The following CNTNAP2 variants were observed in gnomAD, a reference collection of about 807,000 sequenced individuals.
CNTNAP2 encodes the protein contactin associated protein 2.
CNTNAP2 carries 98 observed loss-of-function variants against 155.2 expected under a neutral mutation model. The observed-to-expected ratio is 0.63, with a 90% CI of 0.54 to 0.75. The LOEUF (loss-of-function observed/expected upper bound fraction) is 0.75. Among genes scored for constraint, CNTNAP2 ranks in the 30% least tolerant of loss-of-function variants. The pLI is 0.00. For missense variants in CNTNAP2, 1,727 were observed against 1,688.1 expected, an observed-to-expected ratio of 1.02 and a Z score of -0.40; for synonymous variants, 651 against 631.2, an observed-to-expected ratio of 1.03 and a Z score of -0.47.
In CNTNAP2 at chr7:147,121,067, T is replaced by G. The variant is rs1461913561; in HGVS notation, c.843T>G (p.Ile281Met). 6.2e-7 allele frequency: 1 copy of G among 1,613,968 alleles called. No individual in the cohort carries two copies. Among genetic ancestry groups the G allele is most frequent in the Non-Finnish European group, 8.5e-7 (1 of 1,180,018 alleles). ...ACCACCACTGGCACTCTGTGGTCAT[T>G]GAGCGCCAGGGGCGGAGCATTAACC... ...LDDHHWHSVVIERQGRSINLT... is the reference protein window; with the variant it reads ...LDDHHWHSVVMERQGRSINLT... Residue 281 changes from isoleucine (I) to methionine (M), a missense_variant, in exon 6 of 24, where the codon ATT (isoleucine) becomes ATG (methionine). By Grantham distance (10) the Ile-to-Met change is conservative. Transcript: ENST00000361727.
At chr7:147,829,352 G>A (rs183637147) in intron 13 of CNTNAP2, among the ~76,000 whole-genome samples, 175 of 152,248 alleles carry the variant, frequency 1.1e-3, no homozygotes, top group African/African-American at 3.8e-3. Context: ...CTGAGTTACC[G>A]GGAAATTAAT....
intron 11 of CNTNAP2, among the ~76,000 whole-genome samples, chr7:147,489,762 C>G (rs1213927864): frequency 6.6e-6 from 1 of 152,060 alleles, no homozygotes; most frequent in Admixed American, 6.6e-5. Context: ...ACTACAGGCA[C>G]GTGCCACCAT....
chr7:146,306,357 A>G (rs1800712500), intron 1 of CNTNAP2, among the ~76,000 whole-genome samples: 1 of 152,190 alleles, frequency 6.6e-6, no homozygotes, highest in Admixed American at 6.5e-5. Context: ...AACTATTCCA[A>G]TCAATAGAAA....
At chr7:147,947,125 A>C (rs1030172091) in intron 14 of CNTNAP2, among the ~76,000 whole-genome samples, 6 of 152,160 alleles carry the variant, frequency 3.9e-5, no homozygotes, top group Non-Finnish European at 8.8e-5. Context: ...AGGTTATCTT[A>C]TTATGCAGAT....
chr7:146,560,394 T>A (rs802007), intron 1 of CNTNAP2, among the ~76,000 whole-genome samples: 1 of 152,092 alleles, frequency 6.6e-6, no homozygotes, highest in Non-Finnish European at 1.5e-5. Context: ...TATATATGTA[T>A]GTGTATATGT....
At chr7:147,049,357 T>C (rs184815228) in intron 4 of CNTNAP2, among the ~76,000 whole-genome samples, 35 of 152,344 alleles carry the variant, frequency 2.3e-4, no homozygotes, top group African/African-American at 6.0e-4. Flanking sequence ...AACATATTTG[T>C]TACGAAACAC....
At chr7:146,341,475 A>G (rs1794726459) in intron 1 of CNTNAP2, among the ~76,000 whole-genome samples, 1 of 152,168 alleles carries the variant, frequency 6.6e-6, no homozygotes, top group African/African-American at 2.4e-5. Flanking sequence ...GGATGCATGC[A>G]ATGTATCAGC....
At chr7:147,597,449 CTATT>C (rs1800845830) in intron 12 of CNTNAP2, among the ~76,000 whole-genome samples, 2 of 152,136 alleles carry the variant, frequency 1.3e-5, no homozygotes, top group African/African-American at 4.8e-5. Flanking sequence ...TTACTAAAAT[CTATT>C]TATTTCCTGA....
At chr7:148,384,619 G>C (rs554796309) in intron 22 of CNTNAP2, among the ~76,000 whole-genome samples, 72 of 152,292 alleles carry the variant, frequency 4.7e-4, no homozygotes, top group African/African-American at 1.7e-3. Flanking sequence ...ATAAGGTGAA[G>C]AAGGGGAGGG....
At chr7:147,364,279 C>A (rs1315333329) in intron 9 of CNTNAP2, among the ~76,000 whole-genome samples, 1 of 152,124 alleles carries the variant, frequency 6.6e-6, no homozygotes, top group African/African-American at 2.4e-5. Flanking sequence ...ATATTGCCAA[C>A]TTTTTCTAGT....
At chr7:147,667,155 T>A (rs963426191) in intron 13 of CNTNAP2, among the ~76,000 whole-genome samples, 2 of 152,172 alleles carry the variant, frequency 1.3e-5, no homozygotes, top group African/African-American at 4.8e-5. Context: ...TTCATTACGT[T>A]ATGTGAAAGT....
chr7:146,163,571 ATCTATC>A (rs1798264723), intron 1 of CNTNAP2, among the ~76,000 whole-genome samples: 1 of 98,968 alleles, frequency 1.0e-5, no homozygotes, highest in African/African-American at 4.3e-5. Flanking sequence ...ATCTATCTAT[ATCTATC>A]TATCTATCTA....
intron 13 of CNTNAP2, among the ~76,000 whole-genome samples, chr7:147,676,717 T>C (rs1320749105): frequency 3.9e-5 from 6 of 151,932 alleles, no homozygotes; most frequent in Admixed American, 3.9e-4. Flanking sequence ...TTATATGAGA[T>C]CAACTTTTTA....
intron 1 of CNTNAP2, among the ~76,000 whole-genome samples, chr7:146,656,391 TAAAAAC>T (rs1218294472): frequency 6.6e-6 from 1 of 152,202 alleles, no homozygotes; most frequent in Non-Finnish European, 1.5e-5. Flanking sequence ...TCAGGTGTAT[TAAAAAC>T]AAAAATTTGA....
intron 4 of CNTNAP2, among the ~76,000 whole-genome samples, chr7:147,072,977 C>G (rs375636134): frequency 1.3e-5 from 2 of 150,656 alleles, no homozygotes; most frequent in South Asian, 4.2e-4. Context: ...CTCAGCCTCC[C>G]AAGTAGCTGG....
chr7:146,505,238 C>T (rs989433750), intron 1 of CNTNAP2, among the ~76,000 whole-genome samples: 4 of 152,184 alleles, frequency 2.6e-5, no homozygotes, highest in African/African-American at 9.7e-5. Context: ...GGTGCAGATC[C>T]AACGGTTGGA....
chr7:146,643,933 G>A (rs1251759295), intron 1 of CNTNAP2, among the ~76,000 whole-genome samples: 2 of 151,896 alleles, frequency 1.3e-5, no homozygotes, highest in African/African-American at 2.4e-5. Flanking sequence ...ATTGTGAATG[G>A]GAGTTCACTC....
intron 13 of CNTNAP2, among the ~76,000 whole-genome samples, chr7:147,775,377 T>TTATATATATTTATAAATATATATATTTA (rs1225039883): frequency 2.8e-5 from 2 of 72,060 alleles, no homozygotes; most frequent in Non-Finnish European, 5.0e-5. Context: ...ATATATATAT[T>TTATATATATTTATAAATATATATATTTA]TATATATATT....
In CNTNAP2 at chr7:148,333,578, G is replaced by A. The variant is rs138211514; in HGVS notation, c.3476-50071G>A. 2.1e-3 allele frequency among the ~76,000 whole-genome samples: 314 copies of A among 152,332 alleles called. 2 individuals are homozygous for A. The highest frequency in any genetic ancestry group is 7.0e-3 in the African/African-American group (293 of 41,596). On this transcript the variant is annotated intron_variant, in intron 21 of 23. Coordinates refer to ENST00000361727, the MANE Select transcript of CNTNAP2 (RefSeq NM_014141.6). The stretch of plus-strand genomic sequence containing the variant: ...ATCACTACGAAAGGCTACCAGAAAT[G>A]ATAGAAAACCTCACACAGTATCAGC...
Sources: allele counts gnomAD v4.1 joint callset (sites outside exome capture counted in the v4.1 genomes callset), GRCh38; gene constraint gnomAD v4.1.1; transcripts MANE v1.5; gene names NCBI Gene and HGNC (gene_info 2026-07-23, HGNC 2026-07-21).